Variants in CDH12 observed in about 807,000 individuals in gnomAD.
CDH12 encodes cadherin 12.
Under a neutral mutation model 74.1 loss-of-function variants are expected in CDH12, and 41 were observed. The observed-to-expected ratio is 0.55, with a 90% CI of 0.43 to 0.72. The LOEUF (loss-of-function observed/expected upper bound fraction) is 0.72. CDH12 is among the 30% of genes least tolerant of loss of function. CDH12 has a pLI of 0.00. For missense variants in CDH12, 945 were observed against 977.2 expected (o/e 0.97, Z 0.44); for synonymous variants, 399 against 355.0 (o/e 1.12, Z -1.39).
chr5:22,702,678 A>G (rs1742778889), intron 1 of CDH12, among the ~76,000 whole-genome samples: 1 of 152,044 alleles, frequency 6.6e-6, no homozygotes, highest in Non-Finnish European at 1.5e-5. Flanking sequence ...CATCTAGTCT[A>G]TCAAATCTCT....
Position 22,387,582 on chromosome 5 carries a change from T to C in CDH12, c.-333+17675A>G, listed in dbSNP as rs111425085. ...GTCTACATACAGAATATGTAGAATA[T>C]AGAATATTGAATATGTAGGATAGAA... is the stretch of plus-strand genomic sequence containing the variant. On this transcript the variant is annotated intron_variant, in intron 3 of 14. Coordinates refer to ENST00000382254, the MANE Select transcript of CDH12 (RefSeq NM_004061.5). Among the ~76,000 whole-genome samples the C allele has an allele frequency of 3.1e-3, 474 of 152,226 alleles. 6 individuals are homozygous for C. Among genetic ancestry groups the C allele is most frequent in the African/African-American group, 0.011 (451 of 41,548 alleles).
intron 5 of CDH12, among the ~76,000 whole-genome samples, chr5:22,038,271 G>A (rs1256041711): frequency 6.6e-6 from 1 of 152,130 alleles, no homozygotes. Flanking sequence ...AAGCTAAGCT[G>A]TGATGTGGCA....
chr5:22,267,900 A>C (rs921241958), intron 3 of CDH12, among the ~76,000 whole-genome samples: 3 of 152,184 alleles, frequency 2.0e-5, no homozygotes, highest in African/African-American at 7.2e-5. Flanking sequence ...TGCATGTGAC[A>C]AAACAAGACT....
At chr5:22,513,059 C>A (rs2126674512) in intron 1 of CDH12, among the ~76,000 whole-genome samples, 1 of 152,180 alleles carries the variant, frequency 6.6e-6, no homozygotes, top group African/African-American at 2.4e-5. Flanking sequence ...TAATAATAAT[C>A]CCAAGATCCC....
intron 1 of CDH12, among the ~76,000 whole-genome samples, chr5:22,526,192 C>T (rs1737268755): frequency 6.6e-6 from 1 of 151,980 alleles, no homozygotes. Flanking sequence ...AAAATAGAGG[C>T]TTTGTTCTGT....
intron 1 of CDH12, among the ~76,000 whole-genome samples, chr5:22,822,024 C>T (rs1029646669): frequency 1.3e-5 from 2 of 152,046 alleles, no homozygotes; most frequent in African/African-American, 4.8e-5. Context: ...GTACTGGTAC[C>T]AAAACAGAGA....
chr5:22,480,232 G>A (rs1278522027), intron 2 of CDH12, among the ~76,000 whole-genome samples: 2 of 151,786 alleles, frequency 1.3e-5, no homozygotes, highest in African/African-American at 4.8e-5. Context: ...AAGAGTTTTG[G>A]TTTTTGACTT....
intron 2 of CDH12, among the ~76,000 whole-genome samples, chr5:22,497,980 C>G (rs1410870744): frequency 2.0e-5 from 3 of 151,974 alleles, no homozygotes; most frequent in Non-Finnish European, 4.4e-5. Flanking sequence ...TTTCTCCACT[C>G]TCTACAAGTT....
chr5:22,347,279 C>T (rs1169343599), intron 3 of CDH12, among the ~76,000 whole-genome samples: 1 of 152,172 alleles, frequency 6.6e-6, no homozygotes, highest in Non-Finnish European at 1.5e-5. Flanking sequence ...ATCTAATCAG[C>T]TGACAGTGTG....
intron 6 of CDH12, among the ~76,000 whole-genome samples, chr5:21,974,774 A>G (rs1756990242): frequency 6.6e-6 from 1 of 152,120 alleles, no homozygotes; most frequent in South Asian, 2.1e-4. Flanking sequence ...CCAGCACTAT[A>G]TAGGTGTCTG....
intron 4 of CDH12, among the ~76,000 whole-genome samples, chr5:22,095,956 G>A (rs577357814): frequency 3.3e-5 from 5 of 149,630 alleles, no homozygotes; most frequent in Non-Finnish European, 5.9e-5. Flanking sequence ...TCCACACCCC[G>A]ACCTCTTATA....
intron 1 of CDH12, among the ~76,000 whole-genome samples, chr5:22,822,824 G>T (rs901276701): frequency 2.6e-5 from 4 of 152,094 alleles, no homozygotes; most frequent in Admixed American, 1.3e-4. Context: ...AGTCAGTGTC[G>T]CCATTTCTCA....
chr5:21,996,504 A>T (rs1380919069), intron 5 of CDH12, among the ~76,000 whole-genome samples: 1 of 152,186 alleles, frequency 6.6e-6, no homozygotes, highest in Admixed American at 6.6e-5. Context: ...AGGAAGGCTA[A>T]GTGATTTCCC....
At chr5:21,886,046 T>G (rs2150038716) in intron 6 of CDH12, among the ~76,000 whole-genome samples, 1 of 152,308 alleles carries the variant, frequency 6.6e-6, no homozygotes, top group Admixed American at 6.5e-5. Flanking sequence ...AATAAAATTT[T>G]TGGTTAAGCA....
intron 5 of CDH12, among the ~76,000 whole-genome samples, chr5:22,027,163 C>T (rs986743732): frequency 2.0e-5 from 3 of 152,050 alleles, no homozygotes; most frequent in Non-Finnish European, 2.9e-5. Flanking sequence ...AGGGATGAAG[C>T]CCACTTGATC....
intron 1 of CDH12, among the ~76,000 whole-genome samples, chr5:22,540,097 T>C (rs762908231): frequency 1.6e-4 from 24 of 152,180 alleles, no homozygotes; most frequent in Admixed American, 3.9e-4. Context: ...GGAGTGTTGA[T>C]TGACACAGAA....
chr5:22,006,261 C>T (rs932349544), intron 5 of CDH12, among the ~76,000 whole-genome samples: 5 of 152,064 alleles, frequency 3.3e-5, no homozygotes, highest in African/African-American at 1.2e-4. Context: ...TCAAGCAGTT[C>T]TCCCATCTTG....
chr5:22,644,605 A>G (rs189314083), intron 1 of CDH12, among the ~76,000 whole-genome samples: 1 of 152,156 alleles, frequency 6.6e-6, no homozygotes, highest in Admixed American at 6.6e-5. Flanking sequence ...AAAGTGCAAG[A>G]TAAGGCAGTA....
At chr5:22,366,066 C>A (rs1741018654) in intron 3 of CDH12, among the ~76,000 whole-genome samples, 1 of 152,072 alleles carries the variant, frequency 6.6e-6, no homozygotes, top group African/African-American at 2.4e-5. Flanking sequence ...TCAAGTGATT[C>A]TCCTGCCTCA....
Sources: gnomAD v4.1 joint callset for allele counts (sites outside exome capture counted in the v4.1 genomes callset) on GRCh38, gnomAD v4.1.1 for gene constraint, MANE v1.5 for transcripts, NCBI Gene and HGNC (gene_info 2026-07-23, HGNC 2026-07-21) for gene names.